MAP2: variants seen among roughly 807,000 people sequenced by gnomAD.
MAP2 encodes the protein microtubule-associated protein 2.
MAP2 carries 14 observed loss-of-function variants against 137.6 expected under a neutral mutation model. The ratio of observed to expected loss-of-function variants is 0.10; its 90% CI spans 0.07 to 0.16. The LOEUF (loss-of-function observed/expected upper bound fraction) is 0.16, where lower values mean the gene tolerates loss of function less well. Ranked by LOEUF, MAP2 falls within the 10% of genes least tolerant of loss-of-function variation. The pLI is 1.00. For missense variants in MAP2, 2,088 were observed against 2,191.5 expected, an observed-to-expected ratio of 0.95 and a Z score of 0.94; for synonymous variants, 786 against 782.3, an observed-to-expected ratio of 1.00 and a Z score of -0.08.
At chr2:209,653,027 T>C in intron 4 of MAP2, 115 bp from the exon 5 acceptor site, 1 of 707,436 alleles carries the variant, frequency 1.4e-6, no homozygotes, top group Non-Finnish European at 2.3e-6. Context: ...TTGTACATGT[T>C]TTCTTTGACC....
intron 1 of MAP2, among the ~76,000 whole-genome samples, chr2:209,430,349 T>G (rs923032373): frequency 1.3e-5 from 2 of 151,916 alleles, no homozygotes; most frequent in African/African-American, 4.8e-5. Flanking sequence ...TCACAAGGGC[T>G]AACATGATGG....
intron 2 of MAP2, among the ~76,000 whole-genome samples, chr2:209,539,069 A>C (rs1326601479): frequency 6.6e-6 from 1 of 152,142 alleles, no homozygotes; most frequent in Admixed American, 6.5e-5. Context: ...ACACAATATC[A>C]TTTCCTTAAT....
intron 3 of MAP2, among the ~76,000 whole-genome samples, chr2:209,602,013 T>C (rs534086244): frequency 6.6e-6 from 1 of 152,332 alleles, no homozygotes; most frequent in Admixed American, 6.5e-5. Context: ...ACAGACATTA[T>C]GTGTGAAAAG....
chr2:209,693,893 A>T lies in MAP2; in HGVS notation c.1723A>T (p.Thr575Ser). 2 of 1,611,174 alleles carry T rather than the reference A, an allele frequency of 1.2e-6. No homozygotes were observed. The highest frequency in any genetic ancestry group is 1.7e-6 in the Non-Finnish European group (2 of 1,179,176). ...ATCAGGAATGTCCAAGTACTTTGAAACATCTGCCTTGAAAGAAGAAGCAAC... is the reference window on the plus strand; with the variant it reads ...ATCAGGAATGTCCAAGTACTTTGAATCATCTGCCTTGAAAGAAGAAGCAAC... ...DKSGMSKYFE[T>S]SALKEEATKS... is the part of the protein sequence containing the mutation. The change falls in exon 8 of 16, where the codon ACA (threonine) becomes TCA (serine). Residue 575 changes from threonine to serine, a missense_variant. This residue lies in a region of MAP2 where 859 missense variants were observed against 794.5 expected (regional missense o/e 1.08). Coordinates refer to ENST00000682079, the MANE Select transcript of MAP2 (RefSeq NM_001375505.1).
At chr2:209,709,881 C>G in intron 12 of MAP2, 33 bp from the exon 13 acceptor site, 1 of 1,511,140 alleles carries the variant, frequency 6.6e-7, no homozygotes, top group Non-Finnish European at 9.1e-7. Flanking sequence ...TTGTCTGACT[C>G]TGGTTTGGTT....
At chr2:209,591,723 C>T (rs564396891) in intron 3 of MAP2, among the ~76,000 whole-genome samples, 12 of 152,242 alleles carry the variant, frequency 7.9e-5, no homozygotes, top group African/African-American at 2.4e-4. Flanking sequence ...CTTCTGATTA[C>T]CATTTTAGTT....
At chr2:209,681,467 G>A (rs2054533568) in intron 7 of MAP2, among the ~76,000 whole-genome samples, 1 of 152,150 alleles carries the variant, frequency 6.6e-6, no homozygotes, top group Non-Finnish European at 1.5e-5. Context: ...TGTCATGTTA[G>A]CTTTTCAATT....
chr2:209,536,945 A>G (rs1416412359), intron 2 of MAP2, among the ~76,000 whole-genome samples: 2 of 152,160 alleles, frequency 1.3e-5, no homozygotes, highest in African/African-American at 4.8e-5. Context: ...GTGTGTACAT[A>G]CTGTAAGGAT....
At chr2:209,716,335 A>G (rs1050644362) in intron 13 of MAP2, among the ~76,000 whole-genome samples, 2 of 152,192 alleles carry the variant, frequency 1.3e-5, no homozygotes, top group Non-Finnish European at 2.9e-5. Context: ...TCATGGAGAG[A>G]TGCATTCTTT....
At chr2:209,474,330 AT>A (rs1030948716) in intron 1 of MAP2, among the ~76,000 whole-genome samples, 2 of 151,634 alleles carry the variant, frequency 1.3e-5, no homozygotes, top group Non-Finnish European at 2.9e-5. Flanking sequence ...TGTCAGTTGG[AT>A]TTTTTTTTCT....
At chr2:209,654,768 T>G (rs1185791490) in intron 5 of MAP2, among the ~76,000 whole-genome samples, 1 of 152,202 alleles carries the variant, frequency 6.6e-6, no homozygotes, top group African/African-American at 2.4e-5. Context: ...TAGTATGATA[T>G]GTCAAGGTTT....
At chr2:209,534,230 T>A (rs1348597221) in intron 2 of MAP2, among the ~76,000 whole-genome samples, 1 of 152,236 alleles carries the variant, frequency 6.6e-6, no homozygotes, top group East Asian at 1.9e-4. Flanking sequence ...TCTCCTGGTG[T>A]TATCTTGTTT....
At chr2:209,609,278 A>G (rs1371421152) in intron 3 of MAP2, among the ~76,000 whole-genome samples, 1 of 152,156 alleles carries the variant, frequency 6.6e-6, no homozygotes, top group Non-Finnish European at 1.5e-5. Context: ...TGATTTTTCT[A>G]TCAAAATCAT....
intron 1 of MAP2, among the ~76,000 whole-genome samples, chr2:209,483,981 A>G (rs1400130751): frequency 6.6e-6 from 1 of 152,156 alleles, no homozygotes; most frequent in Non-Finnish European, 1.5e-5. Context: ...CCAGGTTATC[A>G]TCCCTGCAGG....
chr2:209,478,056 G>T (rs1707779266), intron 1 of MAP2, among the ~76,000 whole-genome samples: 1 of 152,126 alleles, frequency 6.6e-6, no homozygotes, highest in Non-Finnish European at 1.5e-5. Context: ...TTATTCTATT[G>T]TATTAAGAAA....
rs80243496 is a variant in MAP2, at chr2:209,587,269, C to G, written c.-107+7169C>G. Reference sequence around the variant, plus strand: ...ACTCCTCTGTGGGAAGCTTCTGAGTCTCCACATTCCATCCTCTTGCCACCC... The same window carrying G: ...ACTCCTCTGTGGGAAGCTTCTGAGTGTCCACATTCCATCCTCTTGCCACCC... On this transcript the variant is annotated intron_variant, in intron 3 of 15. Coordinates refer to ENST00000682079, the MANE Select transcript of MAP2 (RefSeq NM_001375505.1). 1.1e-4 allele frequency among the ~76,000 whole-genome samples: 17 copies of G among 152,254 alleles called. 1 individual carries two copies. The East Asian group carries it at 3.3e-3, about 29-fold the overall frequency.
At chr2:209,612,901 T>G (rs1160908135) in intron 3 of MAP2, among the ~76,000 whole-genome samples, 1 of 152,218 alleles carries the variant, frequency 6.6e-6, no homozygotes, top group Non-Finnish European at 1.5e-5. Flanking sequence ...AGTGGCATTA[T>G]GTTTTCTTAT....
intron 11 of MAP2, 26 bp from the exon 12 acceptor site, chr2:209,705,554 A>G (rs767709730): frequency 5.8e-6 from 9 of 1,562,784 alleles, no homozygotes; most frequent in South Asian, 4.8e-5. Flanking sequence ...CAAGAACCCA[A>G]TGTTCTTTTT....
chr2:209,670,949 T>C lies in MAP2; in HGVS notation c.263-7623T>C, dbSNP rs1255265658. Among the ~76,000 whole-genome samples, 3 of 151,948 alleles carry C rather than the reference T, an allele frequency of 2.0e-5. No homozygotes were observed. In the East Asian group the frequency reaches 5.8e-4, roughly 29 times the overall value. On this transcript the variant is annotated intron_variant, in intron 5 of 15. Transcript: ENST00000682079. ...CTAGTGACTAAGAATAGCTCCATTG[T>C]CTATAGCAGGTGCAAAATAAATTCT...
Sources: gnomAD v4.1 joint callset for allele counts (sites outside exome capture counted in the v4.1 genomes callset) on GRCh38, gnomAD v4.1.1 for gene constraint, gnomAD v4.1.1 regional missense constraint, MANE v1.5 for transcripts, NCBI Gene and HGNC (gene_info 2026-07-23, HGNC 2026-07-21) for gene names.